The following CNTNAP2 variants were observed in gnomAD, a reference collection of about 807,000 sequenced individuals.
CNTNAP2 encodes the protein contactin-associated protein-like 2.
In CNTNAP2, 98 loss-of-function variants were observed where a neutral mutation model predicts 155.2. The ratio of observed to expected loss-of-function variants is 0.63; its 90% CI spans 0.54 to 0.75. The LOEUF (loss-of-function observed/expected upper bound fraction) is 0.75. Ranked by LOEUF, CNTNAP2 falls within the 30% of genes least tolerant of loss-of-function variation. CNTNAP2 has a pLI of 0.00. For synonymous variants in CNTNAP2, 651 were observed against 631.2 expected, an observed-to-expected ratio of 1.03 and a Z score of -0.47; for missense variants, 1,727 against 1,688.1, an observed-to-expected ratio of 1.02 and a Z score of -0.40.
At chr7:146,671,351 T>C (rs1457841577) in intron 1 of CNTNAP2, among the ~76,000 whole-genome samples, 5 of 152,092 alleles carry the variant, frequency 3.3e-5, no homozygotes, top group Non-Finnish European at 5.9e-5. Context: ...TATCATACTC[T>C]TCCTTTAAAC....
At chr7:146,386,569 G>T (rs1417557767) in intron 1 of CNTNAP2, among the ~76,000 whole-genome samples, 1 of 151,972 alleles carries the variant, frequency 6.6e-6, no homozygotes, top group African/African-American at 2.4e-5. Flanking sequence ...TGGTGTTTCA[G>T]TAGAGACGGG....
At chr7:146,986,329 A>AATTC (rs1798114004) in intron 3 of CNTNAP2, among the ~76,000 whole-genome samples, 1 of 152,154 alleles carries the variant, frequency 6.6e-6, no homozygotes, top group Non-Finnish European at 1.5e-5. Flanking sequence ...GAATGCCATT[A>AATTC]ATTCATTCCT....
intron 20 of CNTNAP2, 92 bp downstream of exon 20, chr7:148,229,871 T>C (rs577953663): frequency 6.9e-6 from 10 of 1,439,098 alleles, no homozygotes; most frequent in South Asian, 6.0e-5. Flanking sequence ...TTTGAGGGGA[T>C]AGAAGTAGAA....
intron 11 of CNTNAP2, chr7:147,496,560 T>C (rs1351429674): frequency 6.6e-6 from 1 of 152,210 alleles, no homozygotes; most frequent in Admixed American, 6.5e-5. Flanking sequence ...CAAAGCTAAT[T>C]TTATATTCTC....
chr7:146,534,620 C>G (rs1274169781), intron 1 of CNTNAP2, among the ~76,000 whole-genome samples: 2 of 151,952 alleles, frequency 1.3e-5, no homozygotes, highest in African/African-American at 4.8e-5. Context: ...TCTTTCTTGG[C>G]CACTGAGAAA....
intron 1 of CNTNAP2, among the ~76,000 whole-genome samples, chr7:146,203,119 G>A (rs1205660920): frequency 6.6e-6 from 1 of 151,790 alleles, no homozygotes; most frequent in Non-Finnish European, 1.5e-5. Flanking sequence ...GTGACCAAGT[G>A]AGCTTGGGTT....
intron 8 of CNTNAP2, among the ~76,000 whole-genome samples, chr7:147,272,767 A>G (rs1212938287): frequency 6.6e-6 from 1 of 150,858 alleles, no homozygotes; most frequent in Non-Finnish European, 1.5e-5. Context: ...TTGGCCTCCT[A>G]AAGTGCTGGG....
chr7:146,333,944 A>T (rs1801227812), intron 1 of CNTNAP2, among the ~76,000 whole-genome samples: 1 of 152,214 alleles, frequency 6.6e-6, no homozygotes, highest in South Asian at 2.1e-4. Context: ...TCACATGACC[A>T]TACCTATCTG....
chr7:146,445,176 G>A (rs1450064311), intron 1 of CNTNAP2, among the ~76,000 whole-genome samples: 1 of 152,154 alleles, frequency 6.6e-6, no homozygotes, highest in Non-Finnish European at 1.5e-5. Context: ...TCCTCTCCAT[G>A]TGGCCAAAGT....
At chr7:148,079,191 C>T in intron 15 of CNTNAP2, among the ~76,000 whole-genome samples, 1 of 152,100 alleles carries the variant, frequency 6.6e-6, no homozygotes, top group East Asian at 1.9e-4. Context: ...AAACATGTGC[C>T]CAAGGTGGTC....
chr7:147,272,603 A>G (rs13246554), intron 8 of CNTNAP2, among the ~76,000 whole-genome samples: 36,577 of 151,306 alleles, frequency 0.24, 4,765 homozygotes, highest in Non-Finnish European at 0.28. Context: ...GGTTCACGCC[A>G]TTCTCCTGCC....
At chr7:146,781,704 C>T (rs1437980803) in intron 2 of CNTNAP2, among the ~76,000 whole-genome samples, 1 of 152,128 alleles carries the variant, frequency 6.6e-6, no homozygotes, top group Non-Finnish European at 1.5e-5. Flanking sequence ...AAAATTTTTC[C>T]CTTTTTCCCA....
chr7:146,443,215 AAATAAATAAATAAAT>A (rs1299077472), intron 1 of CNTNAP2, among the ~76,000 whole-genome samples: 3 of 132,138 alleles, frequency 2.3e-5, no homozygotes, highest in African/African-American at 6.7e-5. Context: ...CTCCGTCTCT[AAATAAATAAATAAAT>A]AATAAATAAA....
intron 1 of CNTNAP2, among the ~76,000 whole-genome samples, chr7:146,357,870 C>T (rs1430078963): frequency 6.6e-6 from 1 of 150,956 alleles, no homozygotes; most frequent in Admixed American, 6.6e-5. Context: ...TAAAAGTCTT[C>T]ATCAAGGAAA....
chr7:146,530,293 G>T (rs1797751271), intron 1 of CNTNAP2, among the ~76,000 whole-genome samples: 1 of 152,082 alleles, frequency 6.6e-6, no homozygotes, highest in African/African-American at 2.4e-5. Flanking sequence ...GATAACCTAG[G>T]AGATACCATT....
At chr7:146,912,770 C>T (rs578231663) in intron 3 of CNTNAP2, among the ~76,000 whole-genome samples, 13 of 152,146 alleles carry the variant, frequency 8.5e-5, no homozygotes, top group African/African-American at 2.4e-4. Flanking sequence ...TATTTGACTG[C>T]GGGAATGAAA....
Position 146,380,784 on chromosome 7 carries a change from C to CTTTTT in CNTNAP2, c.97+263840_97+263844dup, listed in dbSNP as rs56886106. Among the ~76,000 whole-genome samples, 70 of 38,830 alleles carry CTTTTT rather than the reference C, an allele frequency of 1.8e-3. 7 individuals carry two copies. Among genetic ancestry groups the CTTTTT allele is most frequent in the African/African-American group, 3.1e-3 (40 of 12,772 alleles). The allele number at this position is 38,830 out of a possible 152,430, so 25.5% of individuals were successfully genotyped here. On this transcript the variant is annotated intron_variant, in intron 1 of 23. Transcript: ENST00000361727. The stretch of plus-strand genomic sequence containing the variant: ...ATATTTCTTGCTTCTTATGCACGTT[C>CTTTTT]TTTTTTTTTTTTTTTTTTTTTTTTT...
At chr7:147,357,325 C>G (rs909094565) in intron 9 of CNTNAP2, among the ~76,000 whole-genome samples, 1 of 152,012 alleles carries the variant, frequency 6.6e-6, no homozygotes, top group African/African-American at 2.4e-5. Flanking sequence ...CTGAGTCCAG[C>G]TGTAGGGCCA....
At chr7:147,499,236 A>C (rs904535403) in intron 11 of CNTNAP2, among the ~76,000 whole-genome samples, 10 of 152,124 alleles carry the variant, frequency 6.6e-5, no homozygotes, top group Non-Finnish European at 8.8e-5. Flanking sequence ...AGATATTTTA[A>C]AATACTTACC....
Sources: gnomAD v4.1 joint callset for allele counts (sites outside exome capture counted in the v4.1 genomes callset) on GRCh38, gnomAD v4.1.1 for gene constraint, MANE v1.5 for transcripts, NCBI Gene and HGNC (gene_info 2026-07-23, HGNC 2026-07-21) for gene names.